PROM1: variants seen among roughly 807,000 people sequenced by gnomAD.
The protein encoded by PROM1 is prominin-1.
A neutral mutation model predicts 116.9 loss-of-function variants in PROM1; 105 were observed. The observed-to-expected ratio is 0.90, with a 90% CI of 0.77 to 1.06. The LOEUF is 1.06. Ranked by LOEUF, PROM1 falls within the 50% of genes least tolerant of loss-of-function variation. PROM1 has a pLI of 0.00. For missense variants in PROM1, 1,122 were observed against 1,045.2 expected (o/e 1.07, Z -1.01); for synonymous variants, 393 against 387.0 (o/e 1.02, Z -0.18).
intron 4 of PROM1, among the ~76,000 whole-genome samples, chr4:16,034,891 G>A (rs1466899483): frequency 6.6e-6 from 1 of 152,156 alleles, no homozygotes; most frequent in Non-Finnish European, 1.5e-5. Flanking sequence ...TAAACATATT[G>A]TGAGGGACAA....
intron 5 of PROM1, among the ~76,000 whole-genome samples, chr4:16,026,461 T>C (rs114126816): frequency 1.6e-3 from 218 of 133,648 alleles, no homozygotes; most frequent in African/African-American, 2.0e-3. Flanking sequence ...GATGTAGATA[T>C]GGTTTTAGAA....
intron 26 of PROM1, among the ~76,000 whole-genome samples, chr4:15,977,527 C>T (rs969381542): frequency 1.3e-5 from 2 of 152,228 alleles, no homozygotes; most frequent in African/African-American, 4.8e-5. Context: ...TCTGTCACAA[C>T]ACAGCACTCT....
intron 2 of PROM1, among the ~76,000 whole-genome samples, chr4:16,049,653 A>T (rs952032105): frequency 1.3e-5 from 2 of 151,992 alleles, no homozygotes; most frequent in African/African-American, 2.4e-5. Flanking sequence ...AGTGTTTGTC[A>T]TAAGAAACTT....
At chr4:16,055,234 T>C (rs1241459374) in intron 2 of PROM1, 1 of 352,690 alleles carries the variant, frequency 2.8e-6, no homozygotes, top group Non-Finnish European at 5.6e-6. Flanking sequence ...ATAATCACAG[T>C]ACCATTCTTG....
chr4:15,993,881 A>C (rs1172573300), intron 16 of PROM1, 106 bp downstream of exon 16: 2 of 1,521,202 alleles, frequency 1.3e-6, no homozygotes, highest in Non-Finnish European at 1.8e-6. Context: ...TTAAATAGTT[A>C]ATTTTATCTT....
chr4:16,004,822 TC>T (rs1336843772), intron 13 of PROM1, among the ~76,000 whole-genome samples: 14 of 118,642 alleles, frequency 1.2e-4, no homozygotes, highest in Admixed American at 3.3e-4. Context: ...TTTCTTTCTT[TC>T]TTTCTTTTTC....
At chr4:16,017,360 G>A (rs1728650501) in intron 9 of PROM1, among the ~76,000 whole-genome samples, 1 of 152,016 alleles carries the variant, frequency 6.6e-6, no homozygotes. Flanking sequence ...ACCCCAAAAG[G>A]ATCTATCTCA....
At chr4:16,032,265 A>G (rs538647888) in intron 5 of PROM1, among the ~76,000 whole-genome samples, 1 of 152,162 alleles carries the variant, frequency 6.6e-6, no homozygotes, top group South Asian at 2.1e-4. Context: ...GTCCTCTTCA[A>G]TGGGTACACT....
At chr4:16,012,098 G>C (rs974279475) in intron 11 of PROM1, among the ~76,000 whole-genome samples, 1 of 152,130 alleles carries the variant, frequency 6.6e-6, no homozygotes, top group African/African-American at 2.4e-5. Context: ...CTGGGTTCAA[G>C]TGATTCTCCT....
At chr4:16,000,087 G>A (rs1435181503) in intron 14 of PROM1, among the ~76,000 whole-genome samples, 2 of 152,192 alleles carry the variant, frequency 1.3e-5, no homozygotes, top group Non-Finnish European at 2.9e-5. Flanking sequence ...GGGCTCATCT[G>A]TGTGGACACC....
chr4:16,003,238 C>T, intron 13 of PROM1: 1 of 455,442 alleles, frequency 2.2e-6, no homozygotes, highest in South Asian at 1.6e-5. Context: ...CTTGGCCACT[C>T]TTCTACAGCT....
chr4:16,001,182 T>C (rs1316895217), intron 13 of PROM1, among the ~76,000 whole-genome samples: 1 of 151,840 alleles, frequency 6.6e-6, no homozygotes, highest in Non-Finnish European at 1.5e-5. Flanking sequence ...GGAGGCATAA[T>C]ATAGGAGGCA....
chr4:15,983,779 T>G (rs1718572748), intron 23 of PROM1, among the ~76,000 whole-genome samples: 1 of 152,124 alleles, frequency 6.6e-6, no homozygotes, highest in Non-Finnish European at 1.5e-5. Flanking sequence ...TGAGGTGCTT[T>G]CAGCAGAGGG....
At chr4:16,016,503 A>G (rs1238884093) in intron 9 of PROM1, among the ~76,000 whole-genome samples, 1 of 152,250 alleles carries the variant, frequency 6.6e-6, no homozygotes, top group African/African-American at 2.4e-5. Context: ...CAAATGTAAT[A>G]TATATGACTT....
At chr4:16,033,128 G>A (rs756699094) in intron 5 of PROM1, among the ~76,000 whole-genome samples, 176 bp downstream of exon 5, 7 of 152,046 alleles carry the variant, frequency 4.6e-5, no homozygotes, top group Admixed American at 3.9e-4. Context: ...TGATGATAAT[G>A]AGATCCTTTC....
intron 8 of PROM1, among the ~76,000 whole-genome samples, chr4:16,022,988 G>A (rs1443434480): frequency 6.6e-6 from 1 of 152,060 alleles, no homozygotes; most frequent in East Asian, 1.9e-4. Context: ...CTCTTCCAAC[G>A]ACTCAACTCT....
chr4:15,986,814 C>T (rs557867224), intron 20 of PROM1, among the ~76,000 whole-genome samples: 10 of 152,320 alleles, frequency 6.6e-5, no homozygotes, highest in African/African-American at 1.7e-4. Flanking sequence ...GTTGGTCTCA[C>T]TGAGAAAAGT....
intron 13 of PROM1, among the ~76,000 whole-genome samples, chr4:16,001,501 A>AG (rs1723830014): frequency 6.6e-6 from 1 of 152,150 alleles, no homozygotes; most frequent in South Asian, 2.1e-4. Context: ...GGGTGGTGGA[A>AG]GGAGGGGCCA....
chr4:16,071,369 T>C (rs1435430146), intron 2 of PROM1, among the ~76,000 whole-genome samples: 1 of 152,220 alleles, frequency 6.6e-6, no homozygotes, highest in Admixed American at 6.5e-5. Context: ...GTCCTCCAGC[T>C]CTGGTTCTCC....
Sources: gnomAD v4.1 joint callset for allele counts (sites outside exome capture counted in the v4.1 genomes callset) on GRCh38, gnomAD v4.1.1 for gene constraint, MANE v1.5 for transcripts, NCBI Gene and HGNC (gene_info 2026-07-23, HGNC 2026-07-21) for gene names.